The following TBK1 variants were observed in gnomAD, a reference collection of about 807,000 sequenced individuals.
TBK1 encodes serine/threonine-protein kinase TBK1.
Under a neutral mutation model 99.9 loss-of-function variants are expected in TBK1, and 37 were observed. That is an observed-to-expected ratio of 0.37 (90% CI 0.28 to 0.49). The LOEUF (loss-of-function observed/expected upper bound fraction) is 0.49. Among genes scored for constraint, TBK1 ranks in the 20% least tolerant of loss-of-function variants. The probability of loss-of-function intolerance (pLI) is 0.98; values close to 1 mark genes in which losing one functional copy is unlikely to be tolerated. For synonymous variants in TBK1, 258 were observed against 279.8 expected (o/e 0.92, Z 0.78); for missense variants, 644 against 872.5 (o/e 0.74, Z 3.30).
Position 64,455,944 on chromosome 12 carries a change from G to A in TBK1, c.74G>A (p.Arg25His), listed in dbSNP as rs1555201928. The change falls in exon 2 of 21, where the codon CGT becomes CAT. Residue 25 changes from arginine to histidine, a missense_variant. Physicochemically the swap from Arg to His is conservative, Grantham distance 29. Transcript: ENST00000331710. ...CAAGGAGCTACTGCAAATGTCTTTC[G>A]TGGAAGACATAAGGTTAGTACAGAG... ...LGQGATANVF[R>H]GRHKKTGDLF... is the part of the protein sequence containing the mutation. 1 of 1,612,774 alleles carries A rather than the reference G, an allele frequency of 6.2e-7. No individual in the cohort carries two copies. The highest frequency in any genetic ancestry group is 8.5e-7 in the Non-Finnish European group (1 of 1,179,174).
intron 5 of TBK1, among the ~76,000 whole-genome samples, chr12:64,467,864 G>T (rs2040622465): frequency 6.6e-6 from 1 of 152,126 alleles, no homozygotes; most frequent in East Asian, 1.9e-4. Flanking sequence ...ACCTCAAATT[G>T]ATCTGTAGAT....
chr12:64,481,793 C>A, intron 7 of TBK1, 49 bp from the exon 8 acceptor site: 1 of 1,280,874 alleles, frequency 7.8e-7, no homozygotes, highest in Non-Finnish European at 1.0e-6. Flanking sequence ...TTAACCTAGA[C>A]AGAATATGAT....
intron 4 of TBK1, among the ~76,000 whole-genome samples, chr12:64,465,775 G>T (rs1159111120): frequency 6.6e-6 from 1 of 152,184 alleles, no homozygotes; most frequent in Non-Finnish European, 1.5e-5. Context: ...TGGGGGATCA[G>T]GAGAAGATGG....
chr12:64,501,236 A>G (rs1225760341), intron 20 of TBK1, 94 bp from the exon 21 acceptor site: 4 of 1,173,610 alleles, frequency 3.4e-6, no homozygotes, highest in African/African-American at 3.1e-5. Flanking sequence ...ATAAATAGCT[A>G]TTTATTCCTC....
Position 64,468,357 on chromosome 12 carries a change from G to A in TBK1, c.540+1275G>A, listed in dbSNP as rs1480249929. ...AAAATACAAAAATTAGCTGGGTGTG[G>A]TGGCGTGTGCCTGTAATCTCAGCTA... On this transcript the variant is annotated intron_variant, in intron 5 of 20. Transcript: ENST00000331710. Among the ~76,000 whole-genome samples the A allele has an allele frequency of 2.0e-5, 3 of 152,114 alleles. No homozygotes were observed. In the East Asian group the frequency reaches 5.8e-4, roughly 29 times the overall value.
chr12:64,493,108 A>G (rs1050664086), intron 13 of TBK1, among the ~76,000 whole-genome samples: 2 of 151,414 alleles, frequency 1.3e-5, no homozygotes, highest in South Asian at 2.1e-4. Flanking sequence ...ATTAGCCAGG[A>G]TGGTCTCAAT....
At chr12:64,472,431 T>C (rs1463484356) in intron 5 of TBK1, among the ~76,000 whole-genome samples, 4 of 152,138 alleles carry the variant, frequency 2.6e-5, no homozygotes, top group Non-Finnish European at 5.9e-5. Flanking sequence ...TGGGATCATT[T>C]AGGTGGTAAC....
chr12:64,497,252 CTAA>C lies in TBK1; in HGVS notation c.1954_1956del (p.Asn652del), dbSNP rs141727722. On this transcript the variant is annotated inframe_deletion, in exon 18 of 21. Coordinates refer to ENST00000331710, the MANE Select transcript of TBK1 (RefSeq NM_013254.4). The stretch of plus-strand genomic sequence containing the variant: ...GAAGTATCAAAATATCAAGAATATA[CTAA>C]TGAGGTAGGTACAGCTGTCAAGGAA... 388 of 1,577,708 alleles carry C rather than the reference CTAA, an allele frequency of 2.5e-4. 1 individual carries two copies. In the African/African-American group the frequency reaches 4.9e-3, roughly 20 times the overall value.
chr12:64,456,327 G>A (rs1447449849), intron 2 of TBK1, among the ~76,000 whole-genome samples: 1 of 152,158 alleles, frequency 6.6e-6, no homozygotes, highest in Non-Finnish European at 1.5e-5. Context: ...TTGGTAGGGA[G>A]GCAGATGTGT....
chr12:64,470,533 T>A (rs1199385493), intron 5 of TBK1, among the ~76,000 whole-genome samples: 1 of 152,234 alleles, frequency 6.6e-6, no homozygotes. Context: ...GTAAAGTTTC[T>A]AACTAAAAGT....
rs189287201 is a variant in TBK1 at position 64,456,709 on chromosome 12, G to A, written c.87+752G>A. Among the ~76,000 whole-genome samples, 414 of 152,152 alleles carry A rather than the reference G, an allele frequency of 2.7e-3. 5 individuals carry two copies. Among genetic ancestry groups the A allele is most frequent in the African/African-American group, 9.8e-3 (405 of 41,490 alleles). ...CAAAAAAAATTAGCCAGGCGTGGTGGCGGGCGCCTGTAGTCCCAGCTACTC... is the reference window on the plus strand; with the variant it reads ...CAAAAAAAATTAGCCAGGCGTGGTGACGGGCGCCTGTAGTCCCAGCTACTC... On this transcript the variant is annotated intron_variant, in intron 2 of 20. Coordinates refer to ENST00000331710, the MANE Select transcript of TBK1 (RefSeq NM_013254.4).
Position 64,497,950 on chromosome 12 carries a change from G to A in TBK1, c.2067-18G>A, listed in dbSNP as rs746688818. The A allele has an allele frequency of 1.1e-5, 18 of 1,602,654 alleles. No individual in the cohort carries two copies. Among genetic ancestry groups the A allele is most frequent in the Non-Finnish European group, 1.5e-5 (18 of 1,173,742 alleles). On this transcript the variant is annotated intron_variant, in intron 19 of 20. Transcript: ENST00000331710. ...TTGCATACTGTTTTTGAGCAAAGGT[G>A]CTTGTTTATTTTATTAGTATGAAGA...
chr12:64,472,192 A>C (rs1174483306), intron 5 of TBK1, among the ~76,000 whole-genome samples: 1 of 151,576 alleles, frequency 6.6e-6, no homozygotes, highest in Non-Finnish European at 1.5e-5. Flanking sequence ...ACTTGTCTGC[A>C]TTCTGATTTC....
At chr12:64,498,308 T>C (rs1445712434) in intron 20 of TBK1, among the ~76,000 whole-genome samples, 1 of 152,248 alleles carries the variant, frequency 6.6e-6, no homozygotes, top group Non-Finnish European at 1.5e-5. Context: ...ACTTAATTCA[T>C]TGGAATCATA....
chr12:64,501,123 T>C (rs1392503350), intron 20 of TBK1, among the ~76,000 whole-genome samples: 1 of 152,192 alleles, frequency 6.6e-6, no homozygotes, highest in African/African-American at 2.4e-5. Flanking sequence ...TTACTGACAG[T>C]TTCTTAATTA....
intron 20 of TBK1, among the ~76,000 whole-genome samples, chr12:64,498,531 G>C (rs2040953121): frequency 6.6e-6 from 1 of 152,348 alleles, no homozygotes; most frequent in East Asian, 1.9e-4. Context: ...GCAATTTTTG[G>C]ATGGCAGTTT....
chr12:64,484,010 TACACAC>T (rs71092971), intron 8 of TBK1: 3,185 of 155,154 alleles, frequency 0.021, 116 homozygotes, highest in African/African-American at 0.076. Context: ...CTGTCTCACA[TACACAC>T]ACACACACAC....
In TBK1 at chr12:64,498,140, G is replaced by C. The variant is rs540875491; in HGVS notation, c.2138+101G>C. On this transcript the variant is annotated intron_variant, in intron 20 of 20. Coordinates refer to ENST00000331710, the MANE Select transcript of TBK1 (RefSeq NM_013254.4). ...TATCAATAGATTCAGCAGTGGTAAA[G>C]GGTCATAAAGTCAGAACTCATGTTT... The C allele has an allele frequency of 4.1e-6, 4 of 975,804 alleles. No homozygotes were observed. The East Asian group carries it at 7.8e-5, about 19-fold the overall frequency. 60.4% of individuals were successfully genotyped at this position (975,804 alleles called of 1,614,324 possible). A position where few individuals can be genotyped will look rare whatever the true frequency, so the allele number is the denominator to read the frequency against.
chr12:64,455,641 A>T (rs2040478388), intron 1 of TBK1, among the ~76,000 whole-genome samples, 199 bp from the exon 2 acceptor site: 1 of 152,204 alleles, frequency 6.6e-6, no homozygotes, highest in Admixed American at 6.5e-5. Context: ...TCATATTTTG[A>T]CTTGTTCATA....
Sources: gnomAD v4.1 joint callset for allele counts (sites outside exome capture counted in the v4.1 genomes callset) on GRCh38, gnomAD v4.1.1 for gene constraint, MANE v1.5 for transcripts, NCBI Gene and HGNC (gene_info 2026-07-23, HGNC 2026-07-21) for gene names.